Variants in SELENOO observed in about 807,000 individuals in gnomAD.
SELENOO encodes the protein protein adenylyltransferase SelO, mitochondrial.
Under a neutral mutation model 58.7 loss-of-function variants are expected in SELENOO, and 74 were observed. The ratio of observed to expected loss-of-function variants is 1.26; its 90% CI spans 1.04 to 1.53. The LOEUF (loss-of-function observed/expected upper bound fraction) is 1.53. Among genes scored for constraint, SELENOO ranks in the 40% most tolerant of loss-of-function variants. The pLI is 0.00. For missense variants in SELENOO, 1,149 were observed against 970.0 expected (o/e 1.18, Z -2.45); for synonymous variants, 543 against 453.2 (o/e 1.20, Z -2.52).
In SELENOO at chr22:50,215,730, A is replaced by G. The variant is rs765461675; in HGVS notation, c.1365A>G (p.Thr455=). 5 of 1,599,962 alleles carry G rather than the reference A, an allele frequency of 3.1e-6. No individual in the cohort carries two copies. In the East Asian group the frequency reaches 6.7e-5, roughly 22 times the overall value. The change falls in exon 6 of 9, where the codon ACA becomes ACG. Residue 455 remains threonine (T), a synonymous_variant. Transcript: ENST00000380903. ...CCTGTGTTCCAGGTGCCGACTTCAC[A>G]AACACCTTCTACTTGCTGAGCTCCT... ...ETMHLTGADF[T]NTFYLLSSFP... is the part of the protein sequence containing the mutation.
At chr22:50,209,138 C>T (rs911814116) in intron 3 of SELENOO, 8 of 165,486 alleles carry the variant, frequency 4.8e-5, no homozygotes, top group Non-Finnish European at 7.9e-5. Context: ...ACACCACAGA[C>T]GTCCCACATG....
chr22:50,215,587 G>A (rs1033224169), intron 5 of SELENOO, 130 bp from the exon 6 acceptor site: 36 of 674,368 alleles, frequency 5.3e-5, no homozygotes, highest in Non-Finnish European at 7.3e-5. Context: ...GGTGGGGGGC[G>A]GTGGTGGAGC....
intron 2 of SELENOO, among the ~76,000 whole-genome samples, chr22:50,206,986 G>A (rs904387986): frequency 6.6e-6 from 1 of 152,220 alleles, no homozygotes; most frequent in Non-Finnish European, 1.5e-5. Flanking sequence ...CTTGACTGAG[G>A]AAATGGCCAC....
At position 50,215,763 on chromosome 22, in the gene SELENOO, G is replaced by A. The variant is rs1490511778; in HGVS notation, c.1398G>A (p.Val466=). The A allele has an allele frequency of 2.5e-6, 4 of 1,611,348 alleles. No homozygotes were observed. The highest frequency in any genetic ancestry group is 2.2e-5 in the East Asian group (1 of 44,860). The change falls in exon 6 of 9, where the codon GTG becomes GTA. Residue 466 remains valine, a synonymous_variant. Coordinates refer to ENST00000380903, the MANE Select transcript of SELENOO (RefSeq NM_031454.2). ...TCTACTTGCTGAGCTCCTTCCCAGT[G>A]GAGCTAGAGTCGCCAGGCCTGGCGG... is the stretch of plus-strand genomic sequence containing the variant. ...NTFYLLSSFP[V]ELESPGLAEF...
chr22:50,207,013 G>A (rs1297911464), intron 2 of SELENOO, among the ~76,000 whole-genome samples: 2 of 152,218 alleles, frequency 1.3e-5, no homozygotes, highest in Non-Finnish European at 2.9e-5. Flanking sequence ...AGCAGGAGCC[G>A]CAAGCTGTGC....
Position 50,216,027 on chromosome 22 carries a change from G to A in SELENOO, c.1502+160G>A, listed in dbSNP as rs146798618. 2.0e-3 allele frequency among the ~76,000 whole-genome samples: 310 copies of A among 152,334 alleles called. 2 individuals carry two copies. The highest frequency in any genetic ancestry group is 7.2e-3 in the African/African-American group (300 of 41,574). On this transcript the variant is annotated intron_variant, in intron 6 of 8. Transcript: ENST00000380903. ...AGTCAGGGCTTCAGGGCATCTCTGC[G>A]ATGCTGGGGCCGGTTGGTCACAGAG... is the stretch of plus-strand genomic sequence containing the variant.
In SELENOO at chr22:50,217,108, G is replaced by C; in HGVS notation, c.1825G>C (p.Glu609Gln). ...CGCGCAGAATGCCATCGAGGCTGCC[G>C]AGCGCGGGGACTTCTCAGAGGCAAG... Reference protein sequence around the residue: ...YIAQNAIEAAERGDFSEVRRV... With the variant: ...YIAQNAIEAAQRGDFSEVRRV... Residue 609 changes from glutamate (E) to glutamine (Q), a missense_variant, in exon 8 of 9, where the codon GAG becomes CAG. By Grantham distance (29) the Glu-to-Gln change is conservative. Coordinates refer to ENST00000380903, the MANE Select transcript of SELENOO (RefSeq NM_031454.2). 6.2e-7 allele frequency: 1 copy of C among 1,612,992 alleles called. No individual in the cohort carries two copies. Among genetic ancestry groups the C allele is most frequent in the Non-Finnish European group, 8.5e-7 (1 of 1,179,924 alleles).
chr22:50,217,050 CA>C lies in SELENOO; in HGVS notation c.1769del (p.Asn590ThrfsTer7). The stretch of plus-strand genomic sequence containing the variant: ...CTGAGCACGTGCGCGTGATGCACGC[CA>C]ACAACCCGAAGTACGTGCTGAGGAA... ...QAEHVRVMHA[N>X]NPKYVLRNYI... On this transcript the variant is annotated frameshift_variant, in exon 8 of 9. Coordinates refer to ENST00000380903, the MANE Select transcript of SELENOO (RefSeq NM_031454.2). LOFTEE classifies it high-confidence loss of function. 1 of 1,612,608 alleles carries C rather than the reference CA, an allele frequency of 6.2e-7. No individual in the cohort carries two copies. Among genetic ancestry groups the C allele is most frequent in the South Asian group, 1.1e-5 (1 of 91,086 alleles).
In SELENOO at chr22:50,217,216, GCTGAAACTA is replaced by G. The variant is rs2064425099; in HGVS notation, c.1861_1869del (p.Lys621_Leu623del). The G allele has an allele frequency of 6.2e-7, 1 of 1,611,176 alleles. No individual in the cohort carries two copies. Among genetic ancestry groups the G allele is most frequent in the African/African-American group, 1.3e-5 (1 of 74,902 alleles). ...TCCTGATCCTCCAGGTGCGGCGGGT[GCTGAAACTA>G]CTGGAGACCCCTTACCACTGCGAGG... On this transcript the variant is annotated inframe_deletion, in exon 9 of 9. Transcript: ENST00000380903.
At chr22:50,202,405 C>G (rs2064308599) in intron 1 of SELENOO, among the ~76,000 whole-genome samples, 1 of 151,992 alleles carries the variant, frequency 6.6e-6, no homozygotes, top group Non-Finnish European at 1.5e-5. Flanking sequence ...TCTCCAAATC[C>G]GTTCTGTTCT....
At chr22:50,215,694 T>G in intron 5 of SELENOO, 23 bp from the exon 6 acceptor site, 1 of 1,537,236 alleles carries the variant, frequency 6.5e-7, no homozygotes, top group Non-Finnish European at 8.8e-7. Context: ...TGCTTCCAGC[T>G]CCCTGAGCAG....
Position 50,202,162 on chromosome 22 carries a change from T to A in SELENOO, c.554+572T>A, listed in dbSNP as rs561367877. 7.5e-4 allele frequency among the ~76,000 whole-genome samples: 115 copies of A among 152,342 alleles called. 1 individual carries two copies. Among genetic ancestry groups the A allele is most frequent in the African/African-American group, 2.6e-3 (110 of 41,578 alleles). Reference sequence around the variant, plus strand: ...AGCGCTTGGGTCTGTTCTGCTCTTTTCTACTAAACAATGTACTTACTCCAT... The same window carrying A: ...AGCGCTTGGGTCTGTTCTGCTCTTTACTACTAAACAATGTACTTACTCCAT... On this transcript the variant is annotated intron_variant, in intron 1 of 8. Transcript: ENST00000380903.
chr22:50,217,228 G>A lies in SELENOO; in HGVS notation c.1869G>A (p.Leu623=), dbSNP rs774019119. 8 of 1,611,632 alleles carry A rather than the reference G, an allele frequency of 5.0e-6. No homozygotes were observed. The African/African-American group carries it at 6.7e-5, about 13-fold the overall frequency. Residue 623 remains leucine (L), a synonymous_variant, in exon 9 of 9, where the codon CTG becomes CTA. Coordinates refer to ENST00000380903, the MANE Select transcript of SELENOO (RefSeq NM_031454.2). ...FSEVRRVLKL[L]ETPYHCEAGA... Reference sequence around the variant, plus strand: ...AGGTGCGGCGGGTGCTGAAACTACTGGAGACCCCTTACCACTGCGAGGCGG... The same window carrying A: ...AGGTGCGGCGGGTGCTGAAACTACTAGAGACCCCTTACCACTGCGAGGCGG...
At chr22:50,216,258 C>G (rs777066989) in intron 6 of SELENOO, among the ~76,000 whole-genome samples, 53 of 152,246 alleles carry the variant, frequency 3.5e-4, no homozygotes, top group Non-Finnish European at 6.5e-4. Flanking sequence ...GTTGCTTTAA[C>G]TTAAAAAACA....
intron 2 of SELENOO, 80 bp downstream of exon 2, chr22:50,206,600 C>A: frequency 7.7e-7 from 1 of 1,302,938 alleles, no homozygotes; most frequent in Non-Finnish European, 1.1e-6. Flanking sequence ...TGCTAGGATT[C>A]TGGTAGAAAC....
intron 5 of SELENOO, 105 bp from the exon 6 acceptor site, chr22:50,215,612 A>G (rs935816654): frequency 1.1e-6 from 1 of 897,902 alleles, no homozygotes; most frequent in Non-Finnish European, 1.6e-6. Flanking sequence ...GGGTGGGTCC[A>G]TGCAGCACCT....
intron 1 of SELENOO, among the ~76,000 whole-genome samples, chr22:50,201,930 C>G (rs1018236751): frequency 2.0e-5 from 3 of 152,370 alleles, no homozygotes; most frequent in African/African-American, 7.2e-5. Context: ...GCCGCTTCGT[C>G]CAGCAGCCTC....
intron 6 of SELENOO, among the ~76,000 whole-genome samples, chr22:50,216,399 C>T (rs541661218): frequency 1.1e-3 from 164 of 152,364 alleles, no homozygotes; most frequent in Non-Finnish European, 1.9e-3. Flanking sequence ...CAGCAGTGCC[C>T]ATCCCACAAG....
chr22:50,215,818 G>T lies in SELENOO; in HGVS notation c.1453G>T (p.Ala485Ser). 1 of 1,612,586 alleles carries T rather than the reference G, an allele frequency of 6.2e-7. No individual in the cohort carries two copies. ...EFLARLMEQC[A>S]SLEELRLAFR... is the part of the protein sequence containing the mutation. The stretch of plus-strand genomic sequence containing the variant: ...CCTGGCCAGGCTGATGGAGCAGTGT[G>T]CCTCCCTGGAGGAGCTGAGGCTGGC... The change falls in exon 6 of 9, where the codon GCC becomes TCC. Residue 485 changes from alanine to serine, a missense_variant. Ala to Ser is a moderately conservative substitution (Grantham distance 99). Transcript: ENST00000380903.
Sources: allele counts gnomAD v4.1 joint callset (sites outside exome capture counted in the v4.1 genomes callset), GRCh38; gene constraint gnomAD v4.1.1; transcripts MANE v1.5; gene names NCBI Gene and HGNC (gene_info 2026-07-23, HGNC 2026-07-21).